Variants in ABCB5 observed in about 807,000 individuals in gnomAD.
ABCB5 encodes the protein ATP binding cassette subfamily B member 5, also known as ATP-binding cassette sub-family B member 5.
In ABCB5, 155 loss-of-function variants were observed where a neutral mutation model predicts 144.2. That is an observed-to-expected ratio of 1.08 (90% CI 0.94 to 1.23). The LOEUF (loss-of-function observed/expected upper bound fraction) is 1.23. Among genes scored for constraint, ABCB5 ranks in the 50% most tolerant of loss-of-function variants. The pLI, the probability that ABCB5 is intolerant of heterozygous loss-of-function variation, is 0.00. For missense variants in ABCB5, 1,830 were observed against 1,520.8 expected, an observed-to-expected ratio of 1.20 and a Z score of -3.38; for synonymous variants, 610 against 528.6, an observed-to-expected ratio of 1.15 and a Z score of -2.11.
chr7:20,691,580 A>AC, intron 16 of ABCB5, among the ~76,000 whole-genome samples: 1 of 40,758 alleles, frequency 2.5e-5, no homozygotes, highest in Admixed American at 3.2e-4. Flanking sequence ...CTTTAAATTC[A>AC]TTTTTATTTA....
chr7:20,742,818 A>G lies in ABCB5; in HGVS notation c.3025-59A>G, dbSNP rs1782602891. 8 of 1,543,402 alleles carry G rather than the reference A, an allele frequency of 5.2e-6. No individual in the cohort carries two copies. In the Admixed American group the frequency reaches 1.0e-4, roughly 20 times the overall value. ...TCAAAATGAACTTGGCCAGTATGCT[A>G]CAGTGTGTTACAACCTTCCCAAGTC... On this transcript the variant is annotated intron_variant, in intron 24 of 27. Coordinates refer to ENST00000404938, the MANE Select transcript of ABCB5 (RefSeq NM_001163941.2).
intron 11 of ABCB5, among the ~76,000 whole-genome samples, chr7:20,648,585 A>T (rs759006954): frequency 6.6e-6 from 1 of 152,182 alleles, no homozygotes; most frequent in Non-Finnish European, 1.5e-5. Flanking sequence ...TTCTTGTGAA[A>T]ATGTGTGTCT....
At chr7:20,730,959 C>T (rs576798818) in intron 23 of ABCB5, among the ~76,000 whole-genome samples, 18 of 152,202 alleles carry the variant, frequency 1.2e-4, no homozygotes, top group South Asian at 2.1e-4. Context: ...TACTAATGTA[C>T]GAGGTTTGAT....
intron 16 of ABCB5, among the ~76,000 whole-genome samples, chr7:20,693,401 A>C (rs184950601): frequency 6.6e-6 from 1 of 152,222 alleles, no homozygotes; most frequent in East Asian, 1.9e-4. Context: ...TGCAAAGTAT[A>C]TTACCTGACC....
At position 20,631,938 on chromosome 7, in the gene ABCB5, G is replaced by A. The variant is rs559632253; in HGVS notation, c.260-121G>A. On this transcript the variant is annotated intron_variant, in intron 4 of 27. Coordinates refer to ENST00000404938, the MANE Select transcript of ABCB5 (RefSeq NM_001163941.2). Reference sequence around the variant, plus strand: ...AGAAAATGAGATGATAATAAACTGCGTGTGGGCAGTAAATCTGTTGTCTTA... The same window carrying A: ...AGAAAATGAGATGATAATAAACTGCATGTGGGCAGTAAATCTGTTGTCTTA... 411 of 450,418 alleles carry A rather than the reference G, an allele frequency of 9.1e-4. 4 individuals are homozygous for A. In the South Asian group the frequency reaches 0.019, roughly 21 times the overall value. 27.9% of individuals were successfully genotyped at this position (450,418 alleles called of 1,614,324 possible).
intron 18 of ABCB5, 54 bp from the exon 19 acceptor site, chr7:20,700,004 C>A: frequency 1.3e-6 from 2 of 1,597,658 alleles, no homozygotes; most frequent in Non-Finnish European, 1.7e-6. Flanking sequence ...AAAAATATAT[C>A]AACTAAATGT....
At position 20,646,053 on chromosome 7, in the gene ABCB5, A is replaced by G; in HGVS notation, c.896A>G (p.Asn299Ser). ...VSLGAVYFFM[N>S]GTYGLAFWYG... The stretch of plus-strand genomic sequence containing the variant: ...CTTGGTGCTGTGTACTTCTTTATGA[A>G]TGGAACCTATGGACTTGCTTTTTGG... Residue 299 changes from asparagine to serine, a missense_variant, in exon 9 of 28, where the codon AAT (asparagine) becomes AGT (serine). By Grantham distance (46) the Asn-to-Ser change is conservative. Coordinates refer to ENST00000404938, the MANE Select transcript of ABCB5 (RefSeq NM_001163941.2). 1 of 1,613,872 alleles carries G rather than the reference A, an allele frequency of 6.2e-7. No individual in the cohort carries two copies. The highest frequency in any genetic ancestry group is 8.5e-7 in the Non-Finnish European group (1 of 1,179,796).
At chr7:20,637,168 G>A (rs1446198159) in intron 5 of ABCB5, among the ~76,000 whole-genome samples, 1 of 152,078 alleles carries the variant, frequency 6.6e-6, no homozygotes, top group Non-Finnish European at 1.5e-5. Flanking sequence ...TGAGTATAAG[G>A]TAATAGTACT....
intron 20 of ABCB5, among the ~76,000 whole-genome samples, chr7:20,707,873 G>A (rs907977638): frequency 1.0e-4 from 15 of 144,208 alleles, no homozygotes; most frequent in Admixed American, 8.0e-4. Context: ...GCGCGATCTC[G>A]GCTCACTGCA....
intron 16 of ABCB5, among the ~76,000 whole-genome samples, chr7:20,693,024 C>A: frequency 6.6e-6 from 1 of 152,024 alleles, no homozygotes; most frequent in South Asian, 2.1e-4. Flanking sequence ...CAAATTTGAC[C>A]TAATAAACAT....
intron 14 of ABCB5, among the ~76,000 whole-genome samples, chr7:20,676,246 A>C (rs1785603160): frequency 6.6e-6 from 1 of 151,806 alleles, no homozygotes; most frequent in African/African-American, 2.4e-5. Flanking sequence ...TGGATATATT[A>C]ATATATATTC....
rs143008276 is a variant in ABCB5, at chr7:20,638,626, C to G, written c.315-4558C>G. 2.1e-3 allele frequency among the ~76,000 whole-genome samples: 316 copies of G among 152,246 alleles called. 2 individuals are homozygous for G. Among genetic ancestry groups the G allele is most frequent in the Non-Finnish European group, 3.2e-3 (220 of 68,016 alleles). ...ATATATAATATGTAAGGTTCTTGTA[C>G]CTGGCTTCTTTTGTTTGGCATACTG... On this transcript the variant is annotated intron_variant, in intron 5 of 27. Transcript: ENST00000404938.
chr7:20,646,261 TC>T, intron 9 of ABCB5, 123 bp downstream of exon 9: 1 of 973,988 alleles, frequency 1.0e-6, no homozygotes, highest in Non-Finnish European at 1.5e-6. Flanking sequence ...AATATTTGTT[TC>T]CCTCAAATTA....
chr7:20,732,145 G>A (rs929822280), intron 23 of ABCB5, among the ~76,000 whole-genome samples: 4 of 152,092 alleles, frequency 2.6e-5, no homozygotes, highest in Non-Finnish European at 4.4e-5. Context: ...CACTTGCCAT[G>A]TCTGTCCCTG....
chr7:20,719,349 G>C (rs1781785815), intron 20 of ABCB5, among the ~76,000 whole-genome samples: 1 of 152,008 alleles, frequency 6.6e-6, no homozygotes, highest in Admixed American at 6.6e-5. Context: ...AAGTTATAAA[G>C]ATAATTCTAC....
At chr7:20,682,202 T>A (rs936673330) in intron 15 of ABCB5, among the ~76,000 whole-genome samples, 2 of 152,052 alleles carry the variant, frequency 1.3e-5, no homozygotes, top group East Asian at 1.9e-4. Context: ...AGACTCCATT[T>A]CAAAAAAACG....
Position 20,674,624 on chromosome 7 carries a change from A to G in ABCB5, c.1708-6881A>G, listed in dbSNP as rs566291737. On this transcript the variant is annotated intron_variant, in intron 14 of 27. Coordinates refer to ENST00000404938, the MANE Select transcript of ABCB5 (RefSeq NM_001163941.2). ...ACCTATAGTACCTCTTACCACTTGCATTCAACAAAGTCCTGAAATTCTTAG... is the reference window on the plus strand; with the variant it reads ...ACCTATAGTACCTCTTACCACTTGCGTTCAACAAAGTCCTGAAATTCTTAG... Among the ~76,000 whole-genome samples the G allele has an allele frequency of 1.4e-4, 22 of 151,912 alleles. No homozygotes were observed. In the East Asian group the frequency reaches 3.7e-3, roughly 25 times the overall value.
chr7:20,749,506 T>G (rs1250072818), intron 26 of ABCB5, among the ~76,000 whole-genome samples: 1 of 143,014 alleles, frequency 7.0e-6, no homozygotes, highest in Admixed American at 7.5e-5. Flanking sequence ...CCAAAGACAC[T>G]GTGTCCAGCC....
intron 20 of ABCB5, among the ~76,000 whole-genome samples, chr7:20,721,286 G>A (rs1781859305): frequency 6.6e-6 from 1 of 152,154 alleles, no homozygotes; most frequent in Non-Finnish European, 1.5e-5. Context: ...ACAAGCGTAT[G>A]GCTGTGGGCA....
Sources: gnomAD v4.1 joint callset for allele counts (sites outside exome capture counted in the v4.1 genomes callset) on GRCh38, gnomAD v4.1.1 for gene constraint, MANE v1.5 for transcripts, NCBI Gene and HGNC (gene_info 2026-07-23, HGNC 2026-07-21) for gene names.